The following ZNRD2 variants were observed in gnomAD, a reference collection of about 807,000 sequenced individuals.
The protein encoded by ZNRD2 is protein ZNRD2.
A neutral mutation model predicts 22.0 loss-of-function variants in ZNRD2; 16 were observed. That is an observed-to-expected ratio of 0.73 (90% CI 0.49 to 1.11). The LOEUF (loss-of-function observed/expected upper bound fraction) is 1.11, where lower values mean the gene tolerates loss of function less well. ZNRD2 is among the 50% of genes least tolerant of loss of function. The pLI, the probability that ZNRD2 is intolerant of heterozygous loss-of-function variation, is 0.00. For synonymous variants in ZNRD2, 105 were observed against 109.8 expected, an observed-to-expected ratio of 0.96 and a Z score of 0.27; for missense variants, 269 against 258.9, an observed-to-expected ratio of 1.04 and a Z score of -0.27.
At chr11:65,571,038 A>G in intron 3 of ZNRD2, 68 bp downstream of exon 3, 2 of 1,465,602 alleles carry the variant, frequency 1.4e-6, no homozygotes, top group East Asian at 4.6e-5. Flanking sequence ...TTAAGTGGTG[A>G]TAGAGGCCCG....
chr11:65,571,106 A>G, intron 3 of ZNRD2, 136 bp downstream of exon 3: 1 of 896,816 alleles, frequency 1.1e-6, no homozygotes, highest in Non-Finnish European at 1.7e-6. Flanking sequence ...AAGTAAAATT[A>G]TTTCTCCTTT....
At chr11:65,570,781 CG>C in intron 2 of ZNRD2, 26 bp downstream of exon 2, 1 of 1,612,708 alleles carries the variant, frequency 6.2e-7, no homozygotes, top group Non-Finnish European at 8.5e-7. Flanking sequence ...GGCGAGTGAC[CG>C]GGGATGGGTC....
Position 65,571,574 on chromosome 11 carries a change from C to G in ZNRD2, c.440C>G (p.Thr147Arg), listed in dbSNP as rs766686446. ...GPPAPAVPPN[T>R]DVMACTQTAL... ...CCTGCTCCTGCTGTGCCTCCAAATA[C>G]AGATGTCATGGCCTGCACACAGACA... The change falls in exon 4 of 4, where the codon ACA becomes AGA. Residue 147 changes from threonine to arginine, a missense_variant. Coordinates refer to ENST00000309328, the MANE Select transcript of ZNRD2 (RefSeq NM_006396.3). 1.1e-5 allele frequency: 18 copies of G among 1,613,988 alleles called. No homozygotes were observed. In the South Asian group the frequency reaches 2.0e-4, roughly 18 times the overall value.
chr11:65,570,588 T>C lies in ZNRD2; in HGVS notation c.20-16T>C, dbSNP rs1397849328. On this transcript the variant is annotated splice_polypyrimidine_tract_variant and intron_variant, in intron 1 of 3. Transcript: ENST00000309328. ...ACTCCGGCAAGACCCCCAGTCCCTA[T>C]GCCTCTCTTCCCCAGAAGTCGACGA... 6.2e-7 allele frequency: 1 copy of C among 1,613,922 alleles called. No homozygotes were observed. Among genetic ancestry groups the C allele is most frequent in the Non-Finnish European group, 8.5e-7 (1 of 1,179,964 alleles).
chr11:65,571,552 G>C lies in ZNRD2; in HGVS notation c.418G>C (p.Ala140Pro), dbSNP rs749634613. 1 of 1,614,038 alleles carries C rather than the reference G, an allele frequency of 6.2e-7. No homozygotes were observed. The highest frequency in any genetic ancestry group is 1.1e-5 in the South Asian group (1 of 91,090). ...ACTCAAGGCAGCCCAGGGGCCACCT[G>C]CTCCTGCTGTGCCTCCAAATACAGA... ...AGLKAAQGPP[A>P]PAVPPNTDVM... The change falls in exon 4 of 4, where the codon GCT becomes CCT. Residue 140 changes from alanine to proline, a missense_variant. By Grantham distance (27) the Ala-to-Pro change is conservative (BLOSUM62 -1). Transcript: ENST00000309328.
In ZNRD2 at chr11:65,570,732, G is replaced by A. The variant is rs761439807; in HGVS notation, c.148G>A (p.Gly50Ser). The stretch of plus-strand genomic sequence containing the variant: ...TCTGCTGCGCGGTTACCGCATGCTG[G>A]GCGAGACGTGTGCGGACTGCGGGGT... ...DYLLRGYRML[G>S]ETCADCGTIL... is the part of the protein sequence containing the mutation. Residue 50 changes from glycine (G) to serine (S), a missense_variant, in exon 2 of 4, where the codon GGC becomes AGC. Physicochemically the swap from Gly to Ser is moderately conservative, Grantham distance 56. Coordinates refer to ENST00000309328, the MANE Select transcript of ZNRD2 (RefSeq NM_006396.3). 2 of 1,613,898 alleles carry A rather than the reference G, an allele frequency of 1.2e-6. No individual in the cohort carries two copies. The highest frequency in any genetic ancestry group is 1.6e-4 in the Middle Eastern group (1 of 6,062).
chr11:65,570,495 G>T lies in ZNRD2; in HGVS notation c.4G>T (p.Ala2Ser), dbSNP rs139666819. M[A>S]LNGAEVDDFS... Reference sequence around the variant, plus strand: ...GCCCGGCGGTGACAACGGCAACATGGCCCTGAACGGAGCTGGTGAGGACCT... The same window carrying T: ...GCCCGGCGGTGACAACGGCAACATGTCCCTGAACGGAGCTGGTGAGGACCT... Residue 2 changes from alanine (A) to serine (S), a missense_variant, in exon 1 of 4, where the codon GCC becomes TCC. Physicochemically the swap from Ala to Ser is moderately conservative, Grantham distance 99. Transcript: ENST00000309328. The T allele has an allele frequency of 2.9e-4, 460 of 1,613,642 alleles. No homozygotes were observed. Among genetic ancestry groups the T allele is most frequent in the South Asian group, 3.6e-4 (33 of 91,084 alleles).
At chr11:65,571,336 G>C in intron 3 of ZNRD2, 55 bp from the exon 4 acceptor site, 1 of 1,531,520 alleles carries the variant, frequency 6.5e-7, no homozygotes, top group Non-Finnish European at 8.8e-7. Flanking sequence ...AGATGGCTCA[G>C]GGCTGAGGTG....
Position 65,570,710 on chromosome 11 carries a change from G to A in ZNRD2, c.126G>A (p.Leu42=), listed in dbSNP as rs763458229. The A allele has an allele frequency of 2.5e-6, 4 of 1,613,742 alleles. No homozygotes were observed. In the African/African-American group the frequency reaches 5.3e-5, roughly 22 times the overall value. Residue 42 remains leucine (L), a synonymous_variant, in exon 2 of 4, where the codon CTG becomes CTA. Coordinates refer to ENST00000309328, the MANE Select transcript of ZNRD2 (RefSeq NM_006396.3). The stretch of plus-strand genomic sequence containing the variant: ...TCTCCCGGCTCATGGGCGACTATCT[G>A]CTGCGCGGTTACCGCATGCTGGGCG... ...DRISRLMGDY[L]LRGYRMLGET... is the part of the protein sequence containing the mutation.
Position 65,571,800 on chromosome 11 carries a change from G to C in ZNRD2, c.*66G>C. The C allele has an allele frequency of 6.8e-7, 1 of 1,470,236 alleles. No homozygotes were observed. Among genetic ancestry groups the C allele is most frequent in the Non-Finnish European group, 9.0e-7 (1 of 1,110,314 alleles). The allele number at this position is 1,470,236 out of a possible 1,614,324, so 91.1% of individuals were successfully genotyped here. On this transcript the variant is annotated 3_prime_UTR_variant, in exon 4 of 4. Transcript: ENST00000309328. The stretch of plus-strand genomic sequence containing the variant: ...CCTCTGTGTGGTTTGTTTTTTTCCT[G>C]GTTCCAAGTGTGCATGCCAGCCCCA...
Position 65,571,668 on chromosome 11 carries a change from C to T in ZNRD2, c.534C>T (p.Ile178=). ...LGSSTSLETS[I]QLCGLIRACA... ...CTAGCACCTCCCTGGAGACTAGCAT[C>T]CAGCTGTGTGGCCTTATCCGCGCAT... Residue 178 remains isoleucine, a synonymous_variant, in exon 4 of 4, where the codon ATC becomes ATT. Coordinates refer to ENST00000309328, the MANE Select transcript of ZNRD2 (RefSeq NM_006396.3). 1.2e-6 allele frequency: 2 copies of T among 1,614,034 alleles called. No individual in the cohort carries two copies. The highest frequency in any genetic ancestry group is 1.1e-5 in the South Asian group (1 of 91,088).
At position 65,570,961 on chromosome 11, in the gene ZNRD2, G is replaced by T. The variant is rs1857113601; in HGVS notation, c.247G>T (p.Asp83Tyr). The change falls in exon 3 of 4, where the codon GAT becomes TAT. Residue 83 changes from aspartate to tyrosine, a missense_variant. Transcript: ENST00000309328. ...GGAACTCGACTCAGACGTGGATAAA[G>T]ATAATCCCGGTAAGAGTAAAAAATA... ...CQELDSDVDK[D>Y]NPALNAQAAL... is the part of the protein sequence containing the mutation. 2.5e-6 allele frequency: 4 copies of T among 1,614,092 alleles called. No individual in the cohort carries two copies. The African/African-American group carries it at 4.0e-5, about 16-fold the overall frequency.
Position 65,571,510 on chromosome 11 carries a change from G to C in ZNRD2, c.376G>C (p.Glu126Gln). ...QPPVPRPEHC[E>Q]GAAAGLKAAQ... ...CCCAGTACCTCGTCCGGAGCACTGT[G>C]AGGGAGCTGCAGCAGGACTCAAGGC... Residue 126 changes from glutamate (E) to glutamine (Q), a missense_variant, in exon 4 of 4, where the codon GAG becomes CAG. Transcript: ENST00000309328. 1 of 1,613,896 alleles carries C rather than the reference G, an allele frequency of 6.2e-7. No homozygotes were observed. Among genetic ancestry groups the C allele is most frequent in the Non-Finnish European group, 8.5e-7 (1 of 1,180,032 alleles).
chr11:65,571,312 C>A, intron 3 of ZNRD2, 79 bp from the exon 4 acceptor site: 1 of 1,491,182 alleles, frequency 6.7e-7, no homozygotes, highest in Non-Finnish European at 8.9e-7. Context: ...ACAGAAAGAG[C>A]AGAGCAGAAA....
Position 65,570,755 on chromosome 11 carries a change from G to A in ZNRD2, c.171G>A (p.Gly57=), listed in dbSNP as rs1180683753. The change falls in exon 2 of 4, where the codon GGG becomes GGA. Residue 57 remains glycine, a splice_region_variant and synonymous_variant. Coordinates refer to ENST00000309328, the MANE Select transcript of ZNRD2 (RefSeq NM_006396.3). The part of the protein sequence containing the change: ...RMLGETCADC[G]TILLQDKQRK... ...TGGGCGAGACGTGTGCGGACTGCGGGGTGAGGCGAGACTCGGGCGAGTGAC... is the reference window on the plus strand; with the variant it reads ...TGGGCGAGACGTGTGCGGACTGCGGAGTGAGGCGAGACTCGGGCGAGTGAC... 1 of 1,613,650 alleles carries A rather than the reference G, an allele frequency of 6.2e-7. No individual in the cohort carries two copies. The highest frequency in any genetic ancestry group is 1.1e-5 in the South Asian group (1 of 91,058).
chr11:65,570,666 C>A lies in ZNRD2; in HGVS notation c.82C>A (p.Arg28=). 6 of 1,613,832 alleles carry A rather than the reference C, an allele frequency of 3.7e-6. No individual in the cohort carries two copies. The highest frequency in any genetic ancestry group is 5.1e-6 in the Non-Finnish European group (6 of 1,179,970). ...EAETKVLQAR[R]ERQDRISRLM... ...GGAGACGAAGGTGCTGCAGGCGCGA[C>A]GGGAGCGGCAAGATCGCATCTCCCG... The change falls in exon 2 of 4, where the codon CGG becomes AGG. Residue 28 remains arginine, a synonymous_variant. Transcript: ENST00000309328.
chr11:65,571,516 G>C lies in ZNRD2; in HGVS notation c.382G>C (p.Ala128Pro), dbSNP rs967153599. The C allele has an allele frequency of 5.0e-6, 8 of 1,613,926 alleles. No individual in the cohort carries two copies. Among genetic ancestry groups the C allele is most frequent in the Non-Finnish European group, 6.8e-6 (8 of 1,180,032 alleles). Residue 128 changes from alanine to proline, a missense_variant, in exon 4 of 4, where the codon GCT becomes CCT. Ala to Pro is a conservative substitution (Grantham distance 27). Coordinates refer to ENST00000309328, the MANE Select transcript of ZNRD2 (RefSeq NM_006396.3). ...PVPRPEHCEG[A>P]AAGLKAAQGP... Reference sequence around the variant, plus strand: ...ACCTCGTCCGGAGCACTGTGAGGGAGCTGCAGCAGGACTCAAGGCAGCCCA... The same window carrying C: ...ACCTCGTCCGGAGCACTGTGAGGGACCTGCAGCAGGACTCAAGGCAGCCCA...
rs769327915 is a variant in ZNRD2, at chr11:65,571,538, C to T, written c.404C>T (p.Ala135Val). 3.1e-6 allele frequency: 5 copies of T among 1,614,012 alleles called. No individual in the cohort carries two copies. The highest frequency in any genetic ancestry group is 1.7e-5 in the Admixed American group (1 of 60,028). ...CEGAAAGLKA[A>V]QGPPAPAVPP... ...GGAGCTGCAGCAGGACTCAAGGCAG[C>T]CCAGGGGCCACCTGCTCCTGCTGTG... Residue 135 changes from alanine (A) to valine (V), a missense_variant, in exon 4 of 4, where the codon GCC (alanine) becomes GTC (valine). Coordinates refer to ENST00000309328, the MANE Select transcript of ZNRD2 (RefSeq NM_006396.3).
rs745638393 is a variant in ZNRD2, at chr11:65,570,686, C to A, written c.102C>A (p.Ile34=). 6.2e-7 allele frequency: 1 copy of A among 1,613,768 alleles called. No individual in the cohort carries two copies. Among genetic ancestry groups the A allele is most frequent in the African/African-American group, 1.3e-5 (1 of 74,954 alleles). Residue 34 remains isoleucine, a synonymous_variant, in exon 2 of 4, where the codon ATC becomes ATA. Transcript: ENST00000309328. ...CGCGACGGGAGCGGCAAGATCGCATCTCCCGGCTCATGGGCGACTATCTGC... is the reference window on the plus strand; with the variant it reads ...CGCGACGGGAGCGGCAAGATCGCATATCCCGGCTCATGGGCGACTATCTGC... ...LQARRERQDR[I]SRLMGDYLLR...
Sources: gnomAD v4.1 joint callset for allele counts on GRCh38, gnomAD v4.1.1 for gene constraint, MANE v1.5 for transcripts, NCBI Gene and HGNC (gene_info 2026-07-23, HGNC 2026-07-21) for gene names.